The following SGCZ variants were observed in gnomAD, a reference collection of about 807,000 sequenced individuals.
SGCZ encodes the protein sarcoglycan zeta.
SGCZ carries 40 observed loss-of-function variants against 41.3 expected under a neutral mutation model. The ratio of observed to expected loss-of-function variants is 0.97; its 90% CI spans 0.75 to 1.26. The LOEUF is 1.26. Ranked by LOEUF, SGCZ falls within the 50% of genes most tolerant of loss-of-function variation. The probability of loss-of-function intolerance (pLI) is 0.00; values close to 1 mark genes in which losing one functional copy is unlikely to be tolerated. For synonymous variants in SGCZ, 206 were observed against 137.5 expected (o/e 1.50, Z -3.49); for missense variants, 552 against 369.8 (o/e 1.49, Z -4.04).
intron 2 of SGCZ, among the ~76,000 whole-genome samples, chr8:14,543,334 T>A (rs937406972): frequency 2.0e-5 from 3 of 152,082 alleles, no homozygotes; most frequent in Non-Finnish European, 1.5e-5. Context: ...TTCAAAATTG[T>A]GATGTATATT....
At position 14,808,768 on chromosome 8, in the gene SGCZ, G is replaced by C. The variant is rs1240950884; in HGVS notation, c.40-253842C>G. Among the ~76,000 whole-genome samples the C allele has an allele frequency of 3.3e-5, 5 of 151,970 alleles. No individual in the cohort carries two copies. In the South Asian group the frequency reaches 8.3e-4, roughly 25 times the overall value. ...GAACTATAAATCATGCTGCTATAAAGACACATGCACACGTATGTTTATTGT... is the reference window on the plus strand; with the variant it reads ...GAACTATAAATCATGCTGCTATAAACACACATGCACACGTATGTTTATTGT... On this transcript the variant is annotated intron_variant, in intron 1 of 7. Coordinates refer to ENST00000382080, the MANE Select transcript of SGCZ (RefSeq NM_139167.4).
intron 4 of SGCZ, among the ~76,000 whole-genome samples, chr8:14,171,181 AT>A (rs1554471738): frequency 6.9e-6 from 1 of 145,450 alleles, no homozygotes; most frequent in Non-Finnish European, 1.5e-5. Context: ...ACACCTCAGA[AT>A]TTTTTTCTTT....
intron 1 of SGCZ, among the ~76,000 whole-genome samples, chr8:14,896,801 CAG>C (rs1437610609): frequency 6.7e-6 from 1 of 148,234 alleles, no homozygotes; most frequent in East Asian, 2.0e-4. Flanking sequence ...TTTTTTGACA[CAG>C]AGTCTTGCTC....
chr8:14,283,814 C>T (rs919565750), intron 3 of SGCZ, among the ~76,000 whole-genome samples: 1 of 152,148 alleles, frequency 6.6e-6, no homozygotes, highest in East Asian at 1.9e-4. Context: ...GTGCCATCAA[C>T]CAATGTCCAC....
intron 2 of SGCZ, among the ~76,000 whole-genome samples, chr8:14,494,989 C>G (rs988775590): frequency 6.6e-6 from 1 of 152,150 alleles, no homozygotes; most frequent in South Asian, 2.1e-4. Flanking sequence ...ATGTGTCTAA[C>G]GTAACCTTAT....
intron 2 of SGCZ, among the ~76,000 whole-genome samples, chr8:14,360,916 G>A (rs549890295): frequency 3.3e-5 from 5 of 152,102 alleles, no homozygotes; most frequent in Admixed American, 3.3e-4. Context: ...AACAAGGGAC[G>A]AGTGATCTAG....
intron 1 of SGCZ, among the ~76,000 whole-genome samples, chr8:15,007,004 A>C (rs1157628561): frequency 6.6e-6 from 1 of 152,256 alleles, no homozygotes; most frequent in Non-Finnish European, 1.5e-5. Flanking sequence ...GTTGAAAATA[A>C]CAAAAGGAAA....
intron 1 of SGCZ, among the ~76,000 whole-genome samples, chr8:14,883,808 C>T (rs1804686144): frequency 6.9e-6 from 1 of 143,926 alleles, no homozygotes; most frequent in Non-Finnish European, 1.5e-5. Context: ...CCAATAGTAC[C>T]CTTCTTCTAT....
chr8:15,205,121 G>C lies in SGCZ; in HGVS notation c.39+32464C>G, dbSNP rs148015630. 3.2e-3 allele frequency among the ~76,000 whole-genome samples: 482 copies of C among 152,158 alleles called. 3 individuals carry two copies. The highest frequency in any genetic ancestry group is 0.011 in the African/African-American group (463 of 41,506). ...CTGTAAAATCAATTTTTGGATTAAA[G>C]ACTTAAATGTAAAACCCAAAACTAT... On this transcript the variant is annotated intron_variant, in intron 1 of 7. Transcript: ENST00000382080.
At chr8:14,174,549 A>G (rs1474582025) in intron 4 of SGCZ, among the ~76,000 whole-genome samples, 2 of 152,098 alleles carry the variant, frequency 1.3e-5, no homozygotes, top group Non-Finnish European at 2.9e-5. Flanking sequence ...TGCCCAGCCT[A>G]CTCCCAAGAA....
intron 5 of SGCZ, among the ~76,000 whole-genome samples, chr8:14,136,446 C>T (rs1803201277): frequency 6.6e-6 from 1 of 152,114 alleles, no homozygotes; most frequent in African/African-American, 2.4e-5. Flanking sequence ...CACTCCTGCC[C>T]TAATACTGCG....
chr8:14,758,050 A>G (rs1481750554), intron 1 of SGCZ, among the ~76,000 whole-genome samples: 1 of 152,182 alleles, frequency 6.6e-6, no homozygotes, highest in Non-Finnish European at 1.5e-5. Context: ...TATTATACCC[A>G]TTTCCAGTAA....
At chr8:14,270,070 G>T (rs538300972) in intron 3 of SGCZ, among the ~76,000 whole-genome samples, 1 of 152,212 alleles carries the variant, frequency 6.6e-6, no homozygotes, top group South Asian at 2.1e-4. Context: ...GGTGGTTCAC[G>T]CCTATAATCC....
At chr8:14,244,368 A>T (rs1480363836) in intron 3 of SGCZ, among the ~76,000 whole-genome samples, 1 of 152,138 alleles carries the variant, frequency 6.6e-6, no homozygotes. Flanking sequence ...GTTATTCATC[A>T]TCCCTGTGCC....
At chr8:14,285,029 G>C (rs566389538) in intron 3 of SGCZ, among the ~76,000 whole-genome samples, 1 of 151,932 alleles carries the variant, frequency 6.6e-6, no homozygotes, top group Non-Finnish European at 1.5e-5. Context: ...TTTTATATTG[G>C]ACAGATAGAG....
At chr8:14,097,252 A>G (rs375255431) in intron 7 of SGCZ, among the ~76,000 whole-genome samples, 37 of 152,274 alleles carry the variant, frequency 2.4e-4, no homozygotes, top group East Asian at 2.1e-3. Flanking sequence ...ATTTCCCTCT[A>G]CACAGTGCTT....
intron 1 of SGCZ, among the ~76,000 whole-genome samples, chr8:15,088,753 T>C (rs112565342): frequency 2.6e-5 from 4 of 152,124 alleles, no homozygotes; most frequent in South Asian, 2.1e-4. Flanking sequence ...TTCTTACAGA[T>C]TGGTCAGTCG....
In SGCZ at chr8:14,619,707, T is replaced by G. The variant is rs538602289; in HGVS notation, c.40-64781A>C. ...CCATTCACAATTGCTTCAAAGAGAA[T>G]AAAATACCTAGGAATCCAACTTACA... On this transcript the variant is annotated intron_variant, in intron 1 of 7. Transcript: ENST00000382080. 9.2e-5 allele frequency among the ~76,000 whole-genome samples: 14 copies of G among 152,130 alleles called. No individual in the cohort carries two copies. The South Asian group carries it at 1.0e-3, about 11-fold the overall frequency.
chr8:14,567,581 A>T (rs1200331061), intron 1 of SGCZ, among the ~76,000 whole-genome samples: 1 of 152,170 alleles, frequency 6.6e-6, no homozygotes, highest in East Asian at 1.9e-4. Context: ...GGGCTAGATA[A>T]GAGAATAAAA....
Sources: gnomAD v4.1 joint callset for allele counts (sites outside exome capture counted in the v4.1 genomes callset) on GRCh38, gnomAD v4.1.1 for gene constraint, MANE v1.5 for transcripts, NCBI Gene and HGNC (gene_info 2026-07-23, HGNC 2026-07-21) for gene names.